CCSER1: variants seen among roughly 807,000 people sequenced by gnomAD.
CCSER1 encodes the protein coiled-coil serine rich protein 1.
A neutral mutation model predicts 82.0 loss-of-function variants in CCSER1; 41 were observed. The observed-to-expected ratio is 0.50, with a 90% CI of 0.39 to 0.65. The LOEUF is 0.65. Ranked by LOEUF, CCSER1 falls within the 30% of genes least tolerant of loss-of-function variation. The probability of loss-of-function intolerance (pLI) is 0.00; values close to 1 mark genes in which losing one functional copy is unlikely to be tolerated. For synonymous variants in CCSER1, 414 were observed against 383.9 expected, an observed-to-expected ratio of 1.08 and a Z score of -0.92; for missense variants, 1,119 against 1,064.2, an observed-to-expected ratio of 1.05 and a Z score of -0.72.
At chr4:90,131,460 T>C (rs1056454763) in intron 1 of CCSER1, among the ~76,000 whole-genome samples, 1 of 152,182 alleles carries the variant, frequency 6.6e-6, no homozygotes, top group Non-Finnish European at 1.5e-5. Context: ...TTTTCGGTAT[T>C]TCCCTAAGCA....
chr4:90,403,360 G>A lies in CCSER1; in HGVS notation c.1603+3231G>A, dbSNP rs555956454. On this transcript the variant is annotated intron_variant, in intron 4 of 10. Transcript: ENST00000509176. ...TAAAAATACAAAAAATTAGCCGGGC[G>A]TAGTGGCGGGCGCCTGTAGTCCCAG... 1.5e-4 allele frequency among the ~76,000 whole-genome samples: 23 copies of A among 150,824 alleles called. 2 individuals are homozygous for A. Among genetic ancestry groups the A allele is most frequent in the South Asian group, 4.2e-4 (2 of 4,798 alleles).
intron 10 of CCSER1, among the ~76,000 whole-genome samples, chr4:91,431,646 T>C (rs1754327264): frequency 6.6e-6 from 1 of 152,032 alleles, no homozygotes; most frequent in Non-Finnish European, 1.5e-5. Context: ...TTTGTATTTT[T>C]AGTAGAAATG....
chr4:91,328,787 C>T (rs1456153890), intron 10 of CCSER1, among the ~76,000 whole-genome samples: 1 of 151,956 alleles, frequency 6.6e-6, no homozygotes, highest in Admixed American at 6.6e-5. Context: ...TGGCTGTGTC[C>T]TCACCCAAAT....
chr4:91,155,096 C>G (rs1380331514), intron 10 of CCSER1, among the ~76,000 whole-genome samples: 1 of 151,596 alleles, frequency 6.6e-6, no homozygotes, highest in East Asian at 1.9e-4. Flanking sequence ...TTGGGCTTGT[C>G]ATAATGATTT....
At chr4:91,481,417 G>A (rs556233061) in intron 10 of CCSER1, among the ~76,000 whole-genome samples, 81 of 151,830 alleles carry the variant, frequency 5.3e-4, no homozygotes, top group East Asian at 9.7e-4. Flanking sequence ...TTGTGTCCAC[G>A]TTGCCTCTTT....
chr4:90,727,955 A>G (rs1743970342), intron 7 of CCSER1, among the ~76,000 whole-genome samples: 1 of 152,128 alleles, frequency 6.6e-6, no homozygotes, highest in South Asian at 2.1e-4. Flanking sequence ...AAAAACTTCT[A>G]TTCTATTGTT....
intron 9 of CCSER1, among the ~76,000 whole-genome samples, chr4:91,062,278 C>T (rs1370574676): frequency 6.6e-6 from 1 of 151,972 alleles, no homozygotes; most frequent in African/African-American, 2.4e-5. Flanking sequence ...AGGGAACACT[C>T]AAACTCCCCC....
intron 5 of CCSER1, among the ~76,000 whole-genome samples, chr4:90,597,125 G>A (rs1783437632): frequency 6.6e-6 from 1 of 151,798 alleles, no homozygotes; most frequent in Admixed American, 6.6e-5. Context: ...ATCTTCTGAT[G>A]GTTTGCTTAT....
chr4:91,350,806 A>G (rs1748420717), intron 10 of CCSER1, among the ~76,000 whole-genome samples: 1 of 152,030 alleles, frequency 6.6e-6, no homozygotes, highest in African/African-American at 2.4e-5. Context: ...TTATGGTATT[A>G]AGCACACAGT....
intron 10 of CCSER1, among the ~76,000 whole-genome samples, chr4:91,442,773 C>T (rs1179857414): frequency 2.7e-5 from 4 of 147,990 alleles, no homozygotes; most frequent in Admixed American, 6.8e-5. Flanking sequence ...AACAAATTTA[C>T]AAGAAAAAAA....
intron 10 of CCSER1, among the ~76,000 whole-genome samples, chr4:91,377,502 G>A (rs1398326054): frequency 1.3e-5 from 2 of 152,192 alleles, no homozygotes; most frequent in Admixed American, 6.5e-5. Context: ...GATGGCCAGT[G>A]ATGTGAGCAT....
chr4:90,841,533 G>C (rs896941126), intron 8 of CCSER1, among the ~76,000 whole-genome samples: 2 of 141,690 alleles, frequency 1.4e-5, no homozygotes. Context: ...AGCCGAGATC[G>C]CTCCACTGTA....
chr4:90,568,173 A>C (rs1779629134), intron 5 of CCSER1, among the ~76,000 whole-genome samples: 1 of 152,208 alleles, frequency 6.6e-6, no homozygotes, highest in African/African-American at 2.4e-5. Context: ...GCTGTTAATT[A>C]GATTTAGTTG....
At chr4:90,787,297 C>A (rs933468131) in intron 7 of CCSER1, among the ~76,000 whole-genome samples, 1 of 152,174 alleles carries the variant, frequency 6.6e-6, no homozygotes, top group Non-Finnish European at 1.5e-5. Context: ...TTTCCTGAGG[C>A]CTTTCCCTGA....
intron 1 of CCSER1, among the ~76,000 whole-genome samples, chr4:90,228,261 C>A (rs555305902): frequency 6.6e-6 from 1 of 152,310 alleles, no homozygotes; most frequent in East Asian, 1.9e-4. Flanking sequence ...TCTCCCAGCA[C>A]GCAGCTGGAG....
rs902046872 is a variant in CCSER1, at chr4:91,377,018, C to T, written c.2218-221554C>T. Among the ~76,000 whole-genome samples, 15 of 149,838 alleles carry T rather than the reference C, an allele frequency of 1.0e-4. 1 individual carries two copies. The highest frequency in any genetic ancestry group is 2.4e-4 in the African/African-American group (10 of 40,862). On this transcript the variant is annotated intron_variant, in intron 10 of 10. Transcript: ENST00000509176. ...TGTGGTGTTTCGTTTTTTGTCCTTG[C>T]GATAGTTTGCTGAGAATGACGGTTT...
intron 1 of CCSER1, among the ~76,000 whole-genome samples, chr4:90,277,924 A>G: frequency 6.6e-6 from 1 of 152,286 alleles, no homozygotes; most frequent in African/African-American, 2.4e-5. Context: ...AAATATTTGC[A>G]AACTCTGCAT....
intron 8 of CCSER1, among the ~76,000 whole-genome samples, chr4:90,840,880 G>GA (rs1236043717): frequency 6.6e-6 from 1 of 151,858 alleles, no homozygotes. Context: ...TAAGAAGGCA[G>GA]AAAAAAATTT....
intron 5 of CCSER1, among the ~76,000 whole-genome samples, chr4:90,521,848 G>A (rs746543471): frequency 1.6e-4 from 24 of 152,102 alleles, no homozygotes; most frequent in Non-Finnish European, 1.5e-4. Context: ...GAGAATACTG[G>A]TCAAGATAGC....
Sources: gnomAD v4.1 joint callset for allele counts (sites outside exome capture counted in the v4.1 genomes callset) on GRCh38, gnomAD v4.1.1 for gene constraint, MANE v1.5 for transcripts, NCBI Gene and HGNC (gene_info 2026-07-23, HGNC 2026-07-21) for gene names.